SEC14L1: variants seen among roughly 807,000 people sequenced by gnomAD.
SEC14L1 encodes SEC14-like protein 1.
A neutral mutation model predicts 85.3 loss-of-function variants in SEC14L1; 48 were observed. The ratio of observed to expected loss-of-function variants is 0.56; its 90% confidence interval spans 0.45 to 0.72. The LOEUF (loss-of-function observed/expected upper bound fraction) is 0.72, where lower values mean the gene tolerates loss of function less well. Ranked by LOEUF, SEC14L1 falls within the 30% of genes least tolerant of loss-of-function variation. The pLI is 0.00. For missense variants in SEC14L1, 682 were observed against 921.4 expected (o/e 0.74, Z 3.36); for synonymous variants, 391 against 355.5 (o/e 1.10, Z -1.12).
At chr17:77,131,841 G>A (rs567926955) in intron 3 of SEC14L1, among the ~76,000 whole-genome samples, 4 of 152,276 alleles carry the variant, frequency 2.6e-5, no homozygotes, top group South Asian at 2.1e-4. Flanking sequence ...CTAGTAGTAG[G>A]AAGGGTGTCC....
Position 77,196,114 on chromosome 17 carries a change from C to T in SEC14L1, c.710-88C>T, listed in dbSNP as rs568861153. 3.0e-6 allele frequency: 3 copies of T among 996,292 alleles called. No individual in the cohort carries two copies. In the Admixed American group the frequency reaches 5.4e-5, roughly 18 times the overall value. The allele number at this position is 996,292 out of a possible 1,614,324, so 61.7% of individuals were successfully genotyped here. A position where few individuals can be genotyped will look rare whatever the true frequency, so the allele number is the denominator to read the frequency against. ...TTCATGTGCCTCTAGGACTCTAGGA[C>T]CACACGTTAACTCCACTGAGCACAA... On this transcript the variant is annotated intron_variant, in intron 7 of 16. Coordinates refer to ENST00000436233, the MANE Select transcript of SEC14L1 (RefSeq NM_001143998.2).
At chr17:77,156,997 G>T (rs188925788) in intron 3 of SEC14L1, among the ~76,000 whole-genome samples, 1 of 152,122 alleles carries the variant, frequency 6.6e-6, no homozygotes, top group East Asian at 1.9e-4. Flanking sequence ...CTTGACTCTG[G>T]TGGAATGGTA....
At chr17:77,145,343 T>G (rs1973254490) in intron 3 of SEC14L1, among the ~76,000 whole-genome samples, 1 of 152,052 alleles carries the variant, frequency 6.6e-6, no homozygotes, top group Non-Finnish European at 1.5e-5. Flanking sequence ...ACAGTTTGAT[T>G]AGTTTTAACA....
intron 8 of SEC14L1, among the ~76,000 whole-genome samples, chr17:77,200,212 T>A (rs1976057648): frequency 6.6e-6 from 1 of 151,754 alleles, no homozygotes. Flanking sequence ...CTTAGCAACT[T>A]TTTTTTTAGG....
Position 77,206,884 on chromosome 17 carries a change from T to C in SEC14L1, c.1476+22T>C. On this transcript the variant is annotated intron_variant, in intron 13 of 16. Coordinates refer to ENST00000436233, the MANE Select transcript of SEC14L1 (RefSeq NM_001143998.2). This position sits in a 1 kb window ranked among gnomAD's most constrained non-coding sequence, Gnocchi z 4.3. ...CATGGTATGTCCTGAGGCGAGGAAC[T>C]GCACATTTGGCCCCTTATGCAGGTG... 6.6e-7 allele frequency: 1 copy of C among 1,512,234 alleles called. No homozygotes were observed. Among genetic ancestry groups the C allele is most frequent in the East Asian group, 2.4e-5 (1 of 41,808 alleles). The allele number at this position is 1,512,234 out of a possible 1,614,324, so 93.7% of individuals were successfully genotyped here.
In SEC14L1 at chr17:77,213,518, T is replaced by A; in HGVS notation, c.2042+26T>A. On this transcript the variant is annotated intron_variant, in intron 16 of 16. Transcript: ENST00000436233. The surrounding 1 kb of genome is among the most constrained non-coding windows in gnomAD (Gnocchi z 7.1). ...GTGCGGCCACCCTCGCCACAGCAGG[T>A]GCTGCGGACAGCTGGGCATGGTTGG... 1.2e-6 allele frequency: 2 copies of A among 1,602,252 alleles called. No individual in the cohort carries two copies.
chr17:77,206,247 G>A lies in SEC14L1; in HGVS notation c.1188G>A (p.Val396=), dbSNP rs747243433. Residue 396 remains valine, a synonymous_variant, in exon 12 of 17, where the codon GTG becomes GTA. Coordinates refer to ENST00000436233, the MANE Select transcript of SEC14L1 (RefSeq NM_001143998.2). This position sits in a 1 kb window ranked among gnomAD's most constrained non-coding sequence, Gnocchi z 4.3. The part of the protein sequence containing the change: ...GRPISSWTCL[V]DLEGLNMRHL... ...CCTGCAGCTCATGGACCTGCCTGGT[G>A]GACTTGGAAGGGCTGAACATGCGCC... The A allele has an allele frequency of 2.5e-6, 4 of 1,614,108 alleles. No individual in the cohort carries two copies. The highest frequency in any genetic ancestry group is 3.4e-6 in the Non-Finnish European group (4 of 1,179,992).
chr17:77,166,725 G>C (rs968265814), intron 3 of SEC14L1, among the ~76,000 whole-genome samples: 8 of 152,192 alleles, frequency 5.3e-5, no homozygotes. Flanking sequence ...TGTAGTCCCA[G>C]CTACTTCAGA....
intron 2 of SEC14L1, chr17:77,089,339 C>A (rs531414183): frequency 5.9e-6 from 3 of 511,510 alleles, no homozygotes; most frequent in South Asian, 4.2e-5. Context: ...TGTTGTTGAG[C>A]CTGCCAAGTT....
At chr17:77,167,734 C>T (rs1238299070) in intron 3 of SEC14L1, among the ~76,000 whole-genome samples, 3 of 152,134 alleles carry the variant, frequency 2.0e-5, no homozygotes. Flanking sequence ...AAAGAGTGAG[C>T]AAGGCGGGAA....
At chr17:77,131,704 C>G (rs1972618421) in intron 3 of SEC14L1, among the ~76,000 whole-genome samples, 1 of 152,152 alleles carries the variant, frequency 6.6e-6, no homozygotes, top group Non-Finnish European at 1.5e-5. Context: ...TCATTCTGGA[C>G]AAATGAAGTT....
Position 77,133,800 on chromosome 17 carries a change from G to A in SEC14L1, c.-135-8846G>A, listed in dbSNP as rs185244489. Among the ~76,000 whole-genome samples the A allele has an allele frequency of 6.6e-5, 10 of 151,944 alleles. No individual in the cohort carries two copies. The East Asian group carries it at 7.8e-4, about 12-fold the overall frequency. ...CTAAAAATACAAAAATTAGCTGGGC[G>A]TGGTGGCAAGCACCTGTAGTCCCAG... is the stretch of plus-strand genomic sequence containing the variant. On this transcript the variant is annotated intron_variant, in intron 3 of 19. Coordinates refer to the SEC14L1 transcript ENST00000392476.
chr17:77,134,342 TG>T (rs987781867), intron 3 of SEC14L1, among the ~76,000 whole-genome samples: 2 of 151,686 alleles, frequency 1.3e-5, no homozygotes, highest in African/African-American at 4.9e-5. Context: ...CTCAACCTCC[TG>T]GGTTCAAGTG....
At chr17:77,125,782 G>T (rs1458058861) in intron 3 of SEC14L1, among the ~76,000 whole-genome samples, 1 of 152,150 alleles carries the variant, frequency 6.6e-6, no homozygotes, top group African/African-American at 2.4e-5. Context: ...GCTTTTCACC[G>T]TGACACCAGG....
chr17:77,143,421 T>A, intron 2 of SEC14L1, 146 bp from the exon 3 acceptor site: 1 of 553,554 alleles, frequency 1.8e-6, no homozygotes, highest in East Asian at 3.1e-5. Context: ...TATTTAAATA[T>A]CATCTTTTCA....
Position 77,146,093 on chromosome 17 carries a change from G to A in SEC14L1, c.63+2434G>A, listed in dbSNP as rs551044366. 1.6e-3 allele frequency among the ~76,000 whole-genome samples: 244 copies of A among 152,274 alleles called. 2 individuals are homozygous for A. The highest frequency in any genetic ancestry group is 5.6e-3 in the African/African-American group (234 of 41,538). ...CCACCCCGACCCCTGCCCTGGTCCT[G>A]GGTTTGAGGATATTGGCTAGCCTGT... On this transcript the variant is annotated intron_variant, in intron 3 of 16. Coordinates refer to ENST00000436233, the MANE Select transcript of SEC14L1 (RefSeq NM_001143998.2).
chr17:77,206,546 T>C lies in SEC14L1; in HGVS notation c.1341+146T>C. 3 of 1,288,910 alleles carry C rather than the reference T, an allele frequency of 2.3e-6. No homozygotes were observed. The highest frequency in any genetic ancestry group is 3.2e-6 in the Non-Finnish European group (3 of 945,942). 79.8% of individuals were successfully genotyped at this position (1,288,910 alleles called of 1,614,324 possible). A position where few individuals can be genotyped will look rare whatever the true frequency, so the allele number is the denominator to read the frequency against. On this transcript the variant is annotated intron_variant, in intron 12 of 16. Coordinates refer to ENST00000436233, the MANE Select transcript of SEC14L1 (RefSeq NM_001143998.2). This position sits in a 1 kb window ranked among gnomAD's most constrained non-coding sequence, Gnocchi z 4.3. ...AAAGATATAAAATTTCTCAAATTGTTTAAGAAAGGGGAAAAACAAAATGTG... is the reference window on the plus strand; with the variant it reads ...AAAGATATAAAATTTCTCAAATTGTCTAAGAAAGGGGAAAAACAAAATGTG...
At position 77,197,907 on chromosome 17, in the gene SEC14L1, C is replaced by T. The variant is rs149858175; in HGVS notation, c.819+1596C>T. 1.8e-4 allele frequency among the ~76,000 whole-genome samples: 27 copies of T among 152,250 alleles called. No individual in the cohort carries two copies. In the East Asian group the frequency reaches 4.8e-3, roughly 27 times the overall value. On this transcript the variant is annotated intron_variant, in intron 8 of 16. Coordinates refer to ENST00000436233, the MANE Select transcript of SEC14L1 (RefSeq NM_001143998.2). ...AGGCGTGAGCCACTGGGCCCAACCTCGAATGACTTTTTAAAGACAATGCTA... is the reference window on the plus strand; with the variant it reads ...AGGCGTGAGCCACTGGGCCCAACCTTGAATGACTTTTTAAAGACAATGCTA...
chr17:77,202,952 A>C (rs952711352), intron 9 of SEC14L1, among the ~76,000 whole-genome samples: 8 of 142,502 alleles, frequency 5.6e-5, no homozygotes, highest in East Asian at 2.0e-4. Flanking sequence ...AAAAAAAAAA[A>C]CAGAGTAGAG....
Sources: gnomAD v4.1 joint callset for allele counts (sites outside exome capture counted in the v4.1 genomes callset) on GRCh38, gnomAD v4.1.1 for gene constraint, Gnocchi (gnomAD v3.1) non-coding constraint, MANE v1.5 for transcripts, NCBI Gene and HGNC (gene_info 2026-07-23, HGNC 2026-07-21) for gene names.